Variants in PDS5A observed in about 807,000 individuals in gnomAD.
The protein encoded by PDS5A is sister chromatid cohesion protein PDS5 homolog A.
In PDS5A, 42 loss-of-function variants were observed where a neutral mutation model predicts 167.1. The observed-to-expected ratio is 0.25, with a 90% CI of 0.20 to 0.33. The LOEUF is 0.33. PDS5A is among the 10% of genes least tolerant of loss of function. The pLI is 1.00. For synonymous variants in PDS5A, 553 were observed against 554.6 expected (o/e 1.00, Z 0.04); for missense variants, 1,033 against 1,605.9 (o/e 0.64, Z 6.10).
At chr4:39,897,062 G>A (rs1169891454) in intron 16 of PDS5A, among the ~76,000 whole-genome samples, 1 of 152,022 alleles carries the variant, frequency 6.6e-6, no homozygotes, top group East Asian at 1.9e-4. Context: ...CTTATCTTTG[G>A]CCAAAATGTT....
intron 32 of PDS5A, among the ~76,000 whole-genome samples, chr4:39,835,964 G>A (rs1217532626): frequency 1.3e-5 from 2 of 152,132 alleles, no homozygotes; most frequent in Admixed American, 6.5e-5. Flanking sequence ...TCTTGAAACC[G>A]TTCAGAGAAT....
chr4:39,914,879 A>G (rs191916228), intron 8 of PDS5A, among the ~76,000 whole-genome samples: 12 of 152,346 alleles, frequency 7.9e-5, no homozygotes, highest in Admixed American at 7.2e-4. Context: ...GGAAAAGAGA[A>G]GTAAAAATAG....
chr4:39,873,238 T>C (rs1020012021), intron 20 of PDS5A, 94 bp from the exon 21 acceptor site: 21 of 664,198 alleles, frequency 3.2e-5, no homozygotes, highest in Admixed American at 1.5e-4. Context: ...CTCCTGAATT[T>C]ACCATGCCCA....
chr4:39,832,084 C>CTCCA, intron 32 of PDS5A, among the ~76,000 whole-genome samples: 1 of 151,824 alleles, frequency 6.6e-6, no homozygotes, highest in East Asian at 2.0e-4. Flanking sequence ...CACCATTGTA[C>CTCCA]TCCAGCCTGG....
chr4:39,973,245 C>A (rs769840007), intron 2 of PDS5A: 2 of 1,490,634 alleles, frequency 1.3e-6, no homozygotes, highest in East Asian at 2.3e-5. Context: ...TCTGGACTCT[C>A]GAGCATATGA....
intron 21 of PDS5A, 52 bp downstream of exon 21, chr4:39,872,934 T>C: frequency 1.0e-6 from 1 of 1,004,152 alleles, no homozygotes. Flanking sequence ...GTGATGAAGA[T>C]GTAAACAGCC....
At chr4:39,879,382 AATG>A (rs1209740596) in intron 18 of PDS5A, among the ~76,000 whole-genome samples, 1 of 152,090 alleles carries the variant, frequency 6.6e-6, no homozygotes, top group African/African-American at 2.4e-5. Flanking sequence ...TACTCCCTTT[AATG>A]ATGATATTCC....
intron 16 of PDS5A, chr4:39,898,157 A>G: frequency 8.2e-7 from 1 of 1,224,600 alleles, no homozygotes; most frequent in Non-Finnish European, 1.0e-6. Context: ...TTTATCTTGT[A>G]AAATTCCTAA....
At chr4:39,855,528 G>A (rs1041924040) in intron 26 of PDS5A, among the ~76,000 whole-genome samples, 1 of 152,158 alleles carries the variant, frequency 6.6e-6, no homozygotes, top group African/African-American at 2.4e-5. Context: ...CCAGATTTTA[G>A]AGTTACTAGT....
At chr4:39,916,285 G>C (rs987635073) in intron 8 of PDS5A, among the ~76,000 whole-genome samples, 1 of 151,952 alleles carries the variant, frequency 6.6e-6, no homozygotes, top group Non-Finnish European at 1.5e-5. Flanking sequence ...AAATAGCAGA[G>C]GGGCAAGAAT....
chr4:39,852,079 T>G (rs565363000), intron 26 of PDS5A, among the ~76,000 whole-genome samples: 324 of 152,330 alleles, frequency 2.1e-3, no homozygotes, highest in African/African-American at 7.2e-3. Flanking sequence ...GAAAAAAGTA[T>G]GATTGTCTTG....
chr4:39,878,361 C>T (rs1023369699), intron 18 of PDS5A, among the ~76,000 whole-genome samples: 5 of 151,964 alleles, frequency 3.3e-5, no homozygotes, highest in Non-Finnish European at 5.9e-5. Context: ...TTTGGGAGGC[C>T]GAAGCGGGCT....
At chr4:39,838,284 GA>G in intron 31 of PDS5A, 76 bp from the exon 32 acceptor site, 1 of 1,123,472 alleles carries the variant, frequency 8.9e-7, no homozygotes. Context: ...AGAGTGTTTT[GA>G]AAGTATTTTA....
chr4:39,833,433 G>T (rs1716108735), intron 32 of PDS5A, among the ~76,000 whole-genome samples: 2 of 152,026 alleles, frequency 1.3e-5, no homozygotes, highest in African/African-American at 4.8e-5. Context: ...CCAGGCTAGG[G>T]TGCAGTGAGG....
At chr4:39,964,468 C>A (rs1729787448) in intron 2 of PDS5A, among the ~76,000 whole-genome samples, 2 of 152,198 alleles carry the variant, frequency 1.3e-5, no homozygotes, top group African/African-American at 2.4e-5. Context: ...CTTTCGGAGG[C>A]TGAGGTGGGA....
At chr4:39,907,508 T>C (rs1723485324) in intron 11 of PDS5A, among the ~76,000 whole-genome samples, 1 of 152,180 alleles carries the variant, frequency 6.6e-6, no homozygotes, top group Non-Finnish European at 1.5e-5. Flanking sequence ...TACACATCTG[T>C]TTCTTGTTTA....
chr4:39,841,620 C>G (rs959946379), intron 31 of PDS5A, among the ~76,000 whole-genome samples: 6 of 151,554 alleles, frequency 4.0e-5, no homozygotes, highest in Non-Finnish European at 5.9e-5. Context: ...TCAAGCAATT[C>G]TCCTGCCTCA....
chr4:39,857,438 A>C (rs1718630220), intron 26 of PDS5A, among the ~76,000 whole-genome samples: 1 of 152,134 alleles, frequency 6.6e-6, no homozygotes, highest in Admixed American at 6.5e-5. Flanking sequence ...CCAACTAAAT[A>C]CAAGACAAAG....
chr4:39,959,335 T>C (rs755782647), intron 2 of PDS5A, among the ~76,000 whole-genome samples: 3 of 152,170 alleles, frequency 2.0e-5, no homozygotes, highest in Non-Finnish European at 4.4e-5. Flanking sequence ...AGTTGCAAGC[T>C]AAAAATGTTT....
Sources: allele counts gnomAD v4.1 joint callset (sites outside exome capture counted in the v4.1 genomes callset), GRCh38; gene constraint gnomAD v4.1.1; transcripts MANE v1.5; gene names NCBI Gene and HGNC (gene_info 2026-07-23, HGNC 2026-07-21).